MDGA2: variants seen among roughly 807,000 people sequenced by gnomAD.
MDGA2 encodes MAM domain containing glycosylphosphatidylinositol anchor 2, also known as MAM domain-containing glycosylphosphatidylinositol anchor protein 2.
Under a neutral mutation model 117.8 loss-of-function variants are expected in MDGA2, and 40 were observed. The ratio of observed to expected loss-of-function variants is 0.34; its 90% CI spans 0.26 to 0.44. The LOEUF (loss-of-function observed/expected upper bound fraction) is 0.44, where lower values mean the gene tolerates loss of function less well. Ranked by LOEUF, MDGA2 falls within the 20% of genes least tolerant of loss-of-function variation. The pLI, the probability that MDGA2 is intolerant of heterozygous loss-of-function variation, is 1.00. For synonymous variants in MDGA2, 452 were observed against 439.0 expected, an observed-to-expected ratio of 1.03 and a Z score of -0.37; for missense variants, 1,123 against 1,250.6, an observed-to-expected ratio of 0.90 and a Z score of 1.54.
chr14:47,104,671 T>C (rs1226925703), intron 5 of MDGA2, among the ~76,000 whole-genome samples: 36 of 152,160 alleles, frequency 2.4e-4, no homozygotes, highest in African/African-American at 7.0e-4. Context: ...CACACGGACG[T>C]GCATGAAATT....
chr14:47,666,537 T>C (rs1003856711), intron 1 of MDGA2, among the ~76,000 whole-genome samples: 2 of 152,190 alleles, frequency 1.3e-5, no homozygotes, highest in South Asian at 2.1e-4. Flanking sequence ...CTTTTGAGTC[T>C]AGCTCAGGGA....
At chr14:47,041,979 A>G (rs1484234835) in intron 7 of MDGA2, among the ~76,000 whole-genome samples, 1 of 152,050 alleles carries the variant, frequency 6.6e-6, no homozygotes, top group African/African-American at 2.4e-5. Context: ...GAATCATAAG[A>G]AGCTCAGTAA....
chr14:47,670,008 T>C (rs762528451), intron 1 of MDGA2, among the ~76,000 whole-genome samples: 11 of 152,186 alleles, frequency 7.2e-5, no homozygotes, highest in Non-Finnish European at 1.3e-4. Flanking sequence ...CCATCTGAAA[T>C]ATCTTCCAGA....
chr14:47,004,063 G>T (rs1219772006), intron 8 of MDGA2, among the ~76,000 whole-genome samples: 1 of 151,750 alleles, frequency 6.6e-6, no homozygotes, highest in African/African-American at 2.4e-5. Context: ...TTTAATGAAA[G>T]ATATATATTC....
At chr14:47,056,594 T>C (rs1013942497) in intron 7 of MDGA2, among the ~76,000 whole-genome samples, 14 of 152,140 alleles carry the variant, frequency 9.2e-5, no homozygotes, top group African/African-American at 3.4e-4. Flanking sequence ...AGTTTCACTG[T>C]TTAGGTTTTC....
At chr14:46,980,012 G>T (rs1178849297) in intron 8 of MDGA2, among the ~76,000 whole-genome samples, 1 of 152,180 alleles carries the variant, frequency 6.6e-6, no homozygotes, top group Non-Finnish European at 1.5e-5. Context: ...TCAAATTACA[G>T]ATTGATTATA....
chr14:47,654,161 A>T (rs935574098), intron 1 of MDGA2, among the ~76,000 whole-genome samples: 1 of 152,212 alleles, frequency 6.6e-6, no homozygotes, highest in Non-Finnish European at 1.5e-5. Context: ...ACAGAACTTA[A>T]TTATAAGAGC....
intron 1 of MDGA2, among the ~76,000 whole-genome samples, chr14:47,511,574 G>C (rs952103540): frequency 6.6e-6 from 1 of 152,094 alleles, no homozygotes; most frequent in Non-Finnish European, 1.5e-5. Flanking sequence ...ATGTGCAAGA[G>C]GGTTGTTTTG....
At position 46,946,116 on chromosome 14, in the gene MDGA2, TTTTAA is replaced by T. The variant is rs368681767; in HGVS notation, c.2089+11253_2089+11257del. ...AAAATCTTTAAAACTCTAAATGATG[TTTTAA>T]TTTAATCTGAATAAAAATTAAGGTA... is the stretch of plus-strand genomic sequence containing the variant. On this transcript the variant is annotated intron_variant, in intron 9 of 16. Coordinates refer to ENST00000399232, the MANE Select transcript of MDGA2 (RefSeq NM_001113498.3). 1.2e-3 allele frequency among the ~76,000 whole-genome samples: 177 copies of T among 152,196 alleles called. 1 individual carries two copies. The highest frequency in any genetic ancestry group is 4.1e-3 in the African/African-American group (169 of 41,558).
At position 47,273,179 on chromosome 14, in the gene MDGA2, T is replaced by C. The variant is rs144701486; in HGVS notation, c.420+28232A>G. ...TAAAAAATCTTGCAAATCACTGAGG[T>C]AAGGGACTTTCTATTTTTCTCAAGC... On this transcript the variant is annotated intron_variant, in intron 2 of 16. Coordinates refer to ENST00000399232, the MANE Select transcript of MDGA2 (RefSeq NM_001113498.3). Among the ~76,000 whole-genome samples the C allele has an allele frequency of 4.3e-3, 657 of 152,244 alleles. 4 individuals carry two copies. Among genetic ancestry groups the C allele is most frequent in the African/African-American group, 0.015 (632 of 41,564 alleles).
At chr14:46,870,537 A>G (rs1881953433) in intron 14 of MDGA2, among the ~76,000 whole-genome samples, 1 of 151,986 alleles carries the variant, frequency 6.6e-6, no homozygotes, top group African/African-American at 2.4e-5. Context: ...TGATTACTCA[A>G]TGTCTGGACC....
chr14:47,321,186 A>G (rs923723829), intron 1 of MDGA2, among the ~76,000 whole-genome samples: 4 of 152,158 alleles, frequency 2.6e-5, no homozygotes, highest in African/African-American at 9.7e-5. Flanking sequence ...CACACACACA[A>G]AAGTGACTCT....
chr14:47,344,121 T>C (rs1477186252), intron 1 of MDGA2, among the ~76,000 whole-genome samples: 2 of 152,218 alleles, frequency 1.3e-5, no homozygotes, highest in Non-Finnish European at 2.9e-5. Context: ...CTGCCTTCTT[T>C]ATTCTTGGCA....
rs144907941 is a variant in MDGA2 at position 46,890,916 on chromosome 14, G to A, written c.2239-8695C>T. Reference sequence around the variant, plus strand: ...CATAAATTAAGGGTGTTATGATAAAGTTAAATATGTAGTTCCAAAACAACT... The same window carrying A: ...CATAAATTAAGGGTGTTATGATAAAATTAAATATGTAGTTCCAAAACAACT... On this transcript the variant is annotated intron_variant, in intron 10 of 16. Coordinates refer to ENST00000399232, the MANE Select transcript of MDGA2 (RefSeq NM_001113498.3). 3.8e-3 allele frequency among the ~76,000 whole-genome samples: 583 copies of A among 152,106 alleles called. 7 individuals are homozygous for A. The highest frequency in any genetic ancestry group is 0.012 in the African/African-American group (504 of 41,508).
Position 47,514,383 on chromosome 14 carries a change from TCTAGA to T in MDGA2, c.280+160129_280+160133del, listed in dbSNP as rs917133889. Among the ~76,000 whole-genome samples the T allele has an allele frequency of 2.4e-4, 37 of 152,216 alleles. 1 individual carries two copies. The highest frequency in any genetic ancestry group is 2.4e-3 in the Admixed American group (36 of 15,270). ...AAGTAAAATTAGATCAGAAAGCCAC[TCTAGA>T]CTAAAATTAACTCCTGGAATTCTGC... On this transcript the variant is annotated intron_variant, in intron 1 of 16. Transcript: ENST00000399232.
chr14:47,136,157 T>C (rs895881394), intron 4 of MDGA2, among the ~76,000 whole-genome samples: 3 of 151,882 alleles, frequency 2.0e-5, no homozygotes, highest in Non-Finnish European at 4.4e-5. Context: ...TCTTTTTGAA[T>C]TTTATCTGAC....
At chr14:46,866,532 T>C (rs1881769047) in intron 14 of MDGA2, among the ~76,000 whole-genome samples, 2 of 151,870 alleles carry the variant, frequency 1.3e-5, no homozygotes, top group Admixed American at 6.6e-5. Context: ...AAAGCCAAAA[T>C]TGACAAATGG....
intron 1 of MDGA2, among the ~76,000 whole-genome samples, chr14:47,447,196 A>C (rs1216047691): frequency 6.6e-6 from 1 of 152,158 alleles, no homozygotes; most frequent in Non-Finnish European, 1.5e-5. Flanking sequence ...CTGACTTCAC[A>C]GAAGGTAATA....
At chr14:47,550,532 G>A (rs867159851) in intron 1 of MDGA2, among the ~76,000 whole-genome samples, 13 of 152,132 alleles carry the variant, frequency 8.5e-5, no homozygotes, top group Non-Finnish European at 1.5e-4. Flanking sequence ...TGAGTCTACA[G>A]TACTGTTGAA....
Sources: allele counts gnomAD v4.1 joint callset (sites outside exome capture counted in the v4.1 genomes callset), GRCh38; gene constraint gnomAD v4.1.1; transcripts MANE v1.5; gene names NCBI Gene and HGNC (gene_info 2026-07-23, HGNC 2026-07-21).